ZAP70: variants seen among roughly 807,000 people sequenced by gnomAD.
ZAP70 encodes tyrosine-protein kinase ZAP-70.
In ZAP70, 27 loss-of-function variants were observed where a neutral mutation model predicts 65.8. That is an observed-to-expected ratio of 0.41 (90% CI 0.30 to 0.57). The LOEUF is 0.57. Ranked by LOEUF, ZAP70 falls within the 20% of genes least tolerant of loss-of-function variation. ZAP70 has a pLI of 0.28. For synonymous variants in ZAP70, 363 were observed against 360.8 expected (o/e 1.01, Z -0.07); for missense variants, 696 against 870.5 (o/e 0.80, Z 2.52).
In ZAP70 at chr2:97,734,569, C is replaced by G. The variant is rs145218891; in HGVS notation, c.939C>G (p.Ser313Arg). ...DKPRPMPMDT[S>R]VYESPYSDPE... ...CGCGGCCGATGCCCATGGACACGAGCGTGTATGAGAGCCCCTACAGCGACC... is the reference window on the plus strand; with the variant it reads ...CGCGGCCGATGCCCATGGACACGAGGGTGTATGAGAGCCCCTACAGCGACC... The change falls in exon 9 of 14, where the codon AGC becomes AGG. Residue 313 changes from serine to arginine, a missense_variant. This residue lies in a region of ZAP70 where 551 missense variants were observed against 630.0 expected (regional missense o/e 0.87). Transcript: ENST00000264972. 2.5e-4 allele frequency: 402 copies of G among 1,614,154 alleles called. 5 individuals are homozygous for G. The South Asian group carries it at 3.4e-3, about 14-fold the overall frequency.
chr2:97,732,846 G>A, intron 4 of ZAP70, 37 bp from the exon 5 acceptor site: 1 of 1,612,890 alleles, frequency 6.2e-7, no homozygotes, highest in Non-Finnish European at 8.5e-7. Flanking sequence ...GCCCCCAGGT[G>A]GCTCTAGGGG....
chr2:97,732,094 C>T (rs574824012), intron 4 of ZAP70, among the ~76,000 whole-genome samples: 25 of 151,998 alleles, frequency 1.6e-4, no homozygotes, highest in African/African-American at 5.5e-4. Flanking sequence ...AGGGCTGGAG[C>T]GGATGGGGGG....
intron 3 of ZAP70, chr2:97,724,755 G>A: frequency 2.0e-6 from 3 of 1,505,450 alleles, no homozygotes; most frequent in Non-Finnish European, 2.7e-6. Context: ...AGGGTGCGCG[G>A]GGCTAGGGTG....
At chr2:97,714,160 G>T (rs559241735) in intron 2 of ZAP70, among the ~76,000 whole-genome samples, 166 bp downstream of exon 2, 2 of 152,328 alleles carry the variant, frequency 1.3e-5, no homozygotes, top group Non-Finnish European at 2.9e-5. Context: ...AGGCAGACGG[G>T]GCTTGTGGCC....
At chr2:97,724,612 A>C in intron 3 of ZAP70, 174 bp downstream of exon 3, 2 of 1,533,758 alleles carry the variant, frequency 1.3e-6, no homozygotes, top group Non-Finnish European at 1.7e-6. Flanking sequence ...CCTCAGAGGC[A>C]GGGGCTCCGT....
the ZAP70 span, among the ~76,000 whole-genome samples, chr2:97,753,772 G>A: frequency 6.6e-6 from 1 of 152,102 alleles, no homozygotes; most frequent in Non-Finnish European, 1.5e-5. Context: ...AGGAGTTTGA[G>A]ACCAGAGGGG....
rs1446795574 is a variant in ZAP70, at chr2:97,733,582, C to T, written c.876C>T (p.Tyr292=). The part of the protein sequence containing the change: ...RRIDTLNSDG[Y]TPEPARITSP... ...TCGACACCCTCAACTCAGATGGATA[C>T]ACCCCTGAGCCAGGTGAGCGGGCAG... Residue 292 remains tyrosine, a synonymous_variant, in exon 8 of 14, where the codon TAC becomes TAT. Transcript: ENST00000264972. The T allele has an allele frequency of 3.1e-6, 5 of 1,613,510 alleles. No homozygotes were observed. Among genetic ancestry groups the T allele is most frequent in the Admixed American group, 3.3e-5 (2 of 60,004 alleles).
the ZAP70 span, among the ~76,000 whole-genome samples, chr2:97,750,971 T>G: frequency 6.6e-5 from 10 of 152,374 alleles, no homozygotes; most frequent in South Asian, 8.3e-4. Flanking sequence ...AACTGGAGTT[T>G]GCAGAGTATG....
rs887468414 is a variant in ZAP70 at position 97,731,899 on chromosome 2, C to T, written c.564-984C>T. On this transcript the variant is annotated intron_variant, in intron 4 of 13. Coordinates refer to ENST00000264972, the MANE Select transcript of ZAP70 (RefSeq NM_001079.4). The surrounding 1 kb of genome is among the most constrained non-coding windows in gnomAD (Gnocchi z 4.0). ...CTGCTTCCGGCCTCCACAGCTTCCA[C>T]GGGGCCAGCTGCCCTCCCTCCTCAC... 3.3e-5 allele frequency among the ~76,000 whole-genome samples: 5 copies of T among 152,292 alleles called. No homozygotes were observed. The highest frequency in any genetic ancestry group is 5.9e-5 in the Non-Finnish European group (4 of 68,032).
intron 4 of ZAP70, among the ~76,000 whole-genome samples, chr2:97,726,848 G>C (rs1215094368): frequency 6.6e-6 from 1 of 152,376 alleles, no homozygotes; most frequent in South Asian, 2.1e-4. Context: ...CTTTGCATTT[G>C]TATCAGTTAG....
At chr2:97,734,994 AG>A (rs1677799360) in intron 9 of ZAP70, 2 of 645,374 alleles carry the variant, frequency 3.1e-6, no homozygotes, top group South Asian at 3.9e-5. Context: ...GGCCCCTGAC[AG>A]GCTGCCCCTG....
Position 97,737,449 on chromosome 2 carries a change from AC to A in ZAP70, c.1290-20del. 1 of 1,613,592 alleles carries A rather than the reference AC, an allele frequency of 6.2e-7. No individual in the cohort carries two copies. Among genetic ancestry groups the A allele is most frequent in the South Asian group, 1.1e-5 (1 of 91,058 alleles). ...AACTTGGCTAGTCTTCTCCCAGCTG[AC>A]CCCGCCTTCCCCGCCACCCCAGGGA... On this transcript the variant is annotated intron_variant, in intron 10 of 13. Coordinates refer to ENST00000264972, the MANE Select transcript of ZAP70 (RefSeq NM_001079.4). The surrounding 1 kb of genome is among the most constrained non-coding windows in gnomAD (Gnocchi z 5.0).
rs1385813781 is a variant in ZAP70 at position 97,736,044 on chromosome 2, C to T, written c.1289+588C>T. On this transcript the variant is annotated intron_variant, in intron 10 of 13. Transcript: ENST00000264972. This position sits in a 1 kb window ranked among gnomAD's most constrained non-coding sequence, Gnocchi z 4.0. ...AAATAAAAATAAATAAAGGGCACTGCTAGTAAGAGCTTTGTACACATCAGC... is the reference window on the plus strand; with the variant it reads ...AAATAAAAATAAATAAAGGGCACTGTTAGTAAGAGCTTTGTACACATCAGC... Among the ~76,000 whole-genome samples the T allele has an allele frequency of 6.6e-6, 1 of 152,126 alleles. No homozygotes were observed. The highest frequency in any genetic ancestry group is 2.4e-5 in the African/African-American group (1 of 41,418).
intron 4 of ZAP70, among the ~76,000 whole-genome samples, chr2:97,726,141 C>T (rs967344763): frequency 4.0e-5 from 6 of 151,814 alleles, no homozygotes; most frequent in African/African-American, 2.4e-5. Flanking sequence ...AGGAAAAATG[C>T]GGTAAATGTT....
chr2:97,732,820 C>T (rs933056905), intron 4 of ZAP70, 63 bp from the exon 5 acceptor site: 28 of 1,606,454 alleles, frequency 1.7e-5, no homozygotes, highest in African/African-American at 6.7e-5. Flanking sequence ...GCGGGGGAAC[C>T]GGGGCACAGC....
Position 97,733,158 on chromosome 2 carries a change from C to T in ZAP70, c.736C>T (p.Leu246Phe). Residue 246 changes from leucine to phenylalanine, a missense_variant, in exon 6 of 14, where the codon CTC (leucine) becomes TTC (phenylalanine). By Grantham distance (22) the Leu-to-Phe change is conservative (BLOSUM62 0). Coordinates refer to ENST00000264972, the MANE Select transcript of ZAP70 (RefSeq NM_001079.4). ...GTATCTGAAGCTGAAGGCGGACGGG[C>T]TCATCTACTGCCTGAAGGAGGCCTG... ...VEYLKLKADG[L>F]IYCLKEACPN... 2 of 1,613,932 alleles carry T rather than the reference C, an allele frequency of 1.2e-6. No homozygotes were observed. The highest frequency in any genetic ancestry group is 1.1e-5 in the South Asian group (1 of 91,088).
intron 13 of ZAP70, 92 bp downstream of exon 13, chr2:97,738,199 T>A: frequency 7.9e-7 from 1 of 1,271,514 alleles, no homozygotes; most frequent in South Asian, 1.3e-5. Context: ...CTACCCAATG[T>A]CATCTCACCC....
the ZAP70 span, among the ~76,000 whole-genome samples, chr2:97,755,677 C>A: frequency 6.6e-6 from 1 of 152,174 alleles, no homozygotes. Flanking sequence ...CCACAGGTGG[C>A]CCCCAGAGCC....
At position 97,739,775 on chromosome 2, in the gene ZAP70, G is replaced by A; in HGVS notation, c.*277G>A. The A allele has an allele frequency of 2.0e-6, 1 of 499,848 alleles. No individual in the cohort carries two copies. The highest frequency in any genetic ancestry group is 3.6e-6 in the Non-Finnish European group (1 of 278,836). The allele number at this position is 499,848 out of a possible 1,614,324, so 31.0% of individuals were successfully genotyped here. On this transcript the variant is annotated 3_prime_UTR_variant, in exon 14 of 14. Transcript: ENST00000264972. ...AGCTGAGGGCATTGCTTACACGGATGCCTTCCCCTGGGCCCTGACATTGGA... is the reference window on the plus strand; with the variant it reads ...AGCTGAGGGCATTGCTTACACGGATACCTTCCCCTGGGCCCTGACATTGGA...
Sources: allele counts gnomAD v4.1 joint callset (sites outside exome capture counted in the v4.1 genomes callset), GRCh38; gene constraint gnomAD v4.1.1; regional missense constraint gnomAD v4.1.1; non-coding constraint Gnocchi (gnomAD v3.1); transcripts MANE v1.5; gene names NCBI Gene and HGNC (gene_info 2026-07-23, HGNC 2026-07-21).